ARHGAP15: variants seen among roughly 807,000 people sequenced by gnomAD.
ARHGAP15 encodes rho GTPase-activating protein 15.
Under a neutral mutation model 63.7 loss-of-function variants are expected in ARHGAP15, and 51 were observed. That is an observed-to-expected ratio of 0.80 (90% CI 0.64 to 1.01). The LOEUF (loss-of-function observed/expected upper bound fraction) is 1.01, where lower values mean the gene tolerates loss of function less well. Among genes scored for constraint, ARHGAP15 ranks in the 50% least tolerant of loss-of-function variants. The pLI is 0.00. For missense variants in ARHGAP15, 560 were observed against 564.6 expected (o/e 0.99, Z 0.08); for synonymous variants, 191 against 193.8 (o/e 0.99, Z 0.12).
chr2:143,439,321 G>T (rs567361502), intron 8 of ARHGAP15, among the ~76,000 whole-genome samples: 2 of 148,262 alleles, frequency 1.3e-5, no homozygotes, highest in Admixed American at 6.9e-5. Flanking sequence ...TACTCGGGAG[G>T]CTGAGGCACA....
intron 11 of ARHGAP15, among the ~76,000 whole-genome samples, chr2:143,601,152 G>A (rs907646940): frequency 1.1e-4 from 16 of 152,064 alleles, no homozygotes; most frequent in African/African-American, 3.6e-4. Flanking sequence ...GAAGGAAACC[G>A]AACAACTTAT....
chr2:143,512,408 G>T (rs565694878), intron 9 of ARHGAP15, among the ~76,000 whole-genome samples: 17 of 152,248 alleles, frequency 1.1e-4, no homozygotes, highest in Admixed American at 5.2e-4. Context: ...AAAACAAATG[G>T]CAGCAAAATG....
chr2:143,533,876 C>A (rs1308754852), intron 10 of ARHGAP15, among the ~76,000 whole-genome samples: 1 of 152,160 alleles, frequency 6.6e-6, no homozygotes, highest in Admixed American at 6.5e-5. Flanking sequence ...AAATCTAAGA[C>A]CTCGTTAAGT....
At chr2:143,655,078 A>G (rs948000274) in intron 12 of ARHGAP15, among the ~76,000 whole-genome samples, 2 of 152,164 alleles carry the variant, frequency 1.3e-5, no homozygotes, top group Admixed American at 6.5e-5. Flanking sequence ...AAAATGTTAA[A>G]ATACGAATTC....
chr2:143,371,706 A>G (rs923989663), intron 6 of ARHGAP15, among the ~76,000 whole-genome samples: 1 of 152,092 alleles, frequency 6.6e-6, no homozygotes, highest in Non-Finnish European at 1.5e-5. Context: ...GAAACATCAC[A>G]TTACAACCAA....
intron 10 of ARHGAP15, among the ~76,000 whole-genome samples, chr2:143,547,174 T>G (rs374840901): frequency 2.6e-5 from 4 of 152,200 alleles, no homozygotes; most frequent in African/African-American, 7.2e-5. Context: ...ACAGGCTTCA[T>G]GCAGTTAGGC....
chr2:143,616,026 T>C (rs1698439673), intron 11 of ARHGAP15, among the ~76,000 whole-genome samples: 1 of 152,198 alleles, frequency 6.6e-6, no homozygotes, highest in East Asian at 1.9e-4. Context: ...TTTTTTTTTA[T>C]GATCCTCACT....
At chr2:143,153,843 T>TTCTTCTTCCTCCTCCTCCTCCTCCTCC (rs1689957969) in intron 1 of ARHGAP15, among the ~76,000 whole-genome samples, 1 of 86,868 alleles carries the variant, frequency 1.2e-5, no homozygotes, top group African/African-American at 4.8e-5. Context: ...CTTCTTCTTC[T>TTCTTCTTCCTCCTCCTCCTCCTCCTCC]TCCTCCTCCT....
chr2:143,671,048 G>T (rs1682497026), intron 12 of ARHGAP15, among the ~76,000 whole-genome samples: 1 of 152,054 alleles, frequency 6.6e-6, no homozygotes, highest in South Asian at 2.1e-4. Context: ...TCTGCTAATG[G>T]CATACCATCT....
chr2:143,470,979 A>G (rs1691516261), intron 8 of ARHGAP15, among the ~76,000 whole-genome samples: 2 of 142,918 alleles, frequency 1.4e-5, no homozygotes, highest in South Asian at 4.4e-4. Flanking sequence ...GTACATACAC[A>G]CGTGTATCAT....
chr2:143,361,204 T>C (rs1162111436), intron 6 of ARHGAP15, among the ~76,000 whole-genome samples: 1 of 152,190 alleles, frequency 6.6e-6, no homozygotes, highest in Non-Finnish European at 1.5e-5. Flanking sequence ...AAGATTGAAT[T>C]AGAAATCCAA....
At chr2:143,154,653 C>A (rs1431186782) in intron 1 of ARHGAP15, among the ~76,000 whole-genome samples, 1 of 151,880 alleles carries the variant, frequency 6.6e-6, no homozygotes, top group Non-Finnish European at 1.5e-5. Flanking sequence ...ACTTGAGGAA[C>A]TTTTGGGGAG....
chr2:143,161,379 A>C (rs370981435), intron 2 of ARHGAP15, among the ~76,000 whole-genome samples: 1 of 152,094 alleles, frequency 6.6e-6, no homozygotes, highest in South Asian at 2.1e-4. Context: ...TTAAAATTCC[A>C]AATTACAGTC....
At chr2:143,582,268 A>G (rs1574661793) in intron 11 of ARHGAP15, among the ~76,000 whole-genome samples, 1 of 152,182 alleles carries the variant, frequency 6.6e-6, no homozygotes, top group Admixed American at 6.5e-5. Flanking sequence ...GTAGGTTAGA[A>G]GAAATCATCC....
chr2:143,166,641 C>G (rs1690546745), intron 2 of ARHGAP15, among the ~76,000 whole-genome samples: 1 of 152,062 alleles, frequency 6.6e-6, no homozygotes, highest in Non-Finnish European at 1.5e-5. Context: ...CATTTTACCA[C>G]AAATACTTTA....
intron 6 of ARHGAP15, among the ~76,000 whole-genome samples, chr2:143,337,980 C>T (rs1684880908): frequency 6.6e-6 from 1 of 152,196 alleles, no homozygotes; most frequent in South Asian, 2.1e-4. Flanking sequence ...TCCTCCCTTT[C>T]ACTTCTAGTT....
At chr2:143,733,603 C>A (rs1457542591) in intron 13 of ARHGAP15, among the ~76,000 whole-genome samples, 1 of 152,186 alleles carries the variant, frequency 6.6e-6, no homozygotes, top group Non-Finnish European at 1.5e-5. Flanking sequence ...AATACAGTAG[C>A]AAGTTTAACA....
intron 9 of ARHGAP15, among the ~76,000 whole-genome samples, chr2:143,489,462 A>C (rs1389051554): frequency 6.6e-6 from 1 of 152,198 alleles, no homozygotes; most frequent in Non-Finnish European, 1.5e-5. Flanking sequence ...GTACAGATCA[A>C]GTTATGCAAA....
intron 9 of ARHGAP15, among the ~76,000 whole-genome samples, chr2:143,500,165 T>C (rs1169419048): frequency 3.3e-5 from 5 of 151,560 alleles, no homozygotes; most frequent in Admixed American, 2.0e-4. Flanking sequence ...ACCTAGCTCC[T>C]TTCTGTTTTC....
Sources: allele counts gnomAD v4.1 joint callset (sites outside exome capture counted in the v4.1 genomes callset), GRCh38; gene constraint gnomAD v4.1.1; transcripts MANE v1.5; gene names NCBI Gene and HGNC (gene_info 2026-07-23, HGNC 2026-07-21).